Variants in ANK2 observed in about 807,000 individuals in gnomAD.
The protein encoded by ANK2 is ankyrin 2, also known as ankyrin-2.
A neutral mutation model predicts 360.5 loss-of-function variants in ANK2; 83 were observed. That is an observed-to-expected ratio of 0.23 (90% CI 0.19 to 0.28). The LOEUF is 0.28. Ranked by LOEUF, ANK2 falls within the 10% of genes least tolerant of loss-of-function variation. The probability of loss-of-function intolerance (pLI) is 1.00; values close to 1 mark genes in which losing one functional copy is unlikely to be tolerated. For missense variants in ANK2, 4,201 were observed against 4,795.7 expected (o/e 0.88, Z 3.66); for synonymous variants, 1,740 against 1,759.5 (o/e 0.99, Z 0.28).
chr4:112,844,992 G>C (rs1248589530), intron 1 of ANK2, among the ~76,000 whole-genome samples: 2 of 152,120 alleles, frequency 1.3e-5, no homozygotes, highest in Non-Finnish European at 2.9e-5. Flanking sequence ...ATATTTCAGA[G>C]AGAAATTTCT....
the ANK2 span, among the ~76,000 whole-genome samples, chr4:112,812,528 C>T: frequency 6.6e-6 from 1 of 152,178 alleles, no homozygotes; most frequent in Non-Finnish European, 1.5e-5. Context: ...TTCCATTCCT[C>T]AATGTTCCAG....
chr4:112,993,357 C>T (rs1308185202), intron 2 of ANK2, among the ~76,000 whole-genome samples: 2 of 152,150 alleles, frequency 1.3e-5, no homozygotes, highest in African/African-American at 4.8e-5. Context: ...GGCTGGAGTG[C>T]AGTGGCGCGA....
chr4:112,858,568 C>T (rs943337179), intron 1 of ANK2, among the ~76,000 whole-genome samples: 2 of 152,058 alleles, frequency 1.3e-5, no homozygotes, highest in Non-Finnish European at 2.9e-5. Flanking sequence ...TATCAAAGTC[C>T]TTTATTTTCC....
At chr4:112,919,872 G>A (rs1428659933) in intron 2 of ANK2, among the ~76,000 whole-genome samples, 1 of 152,008 alleles carries the variant, frequency 6.6e-6, no homozygotes, top group Non-Finnish European at 1.5e-5. Context: ...TAGTAAATCT[G>A]TCAGCCTAAC....
chr4:112,957,530 T>C (rs1249908304), intron 2 of ANK2, among the ~76,000 whole-genome samples: 3 of 151,982 alleles, frequency 2.0e-5, no homozygotes, highest in African/African-American at 4.8e-5. Flanking sequence ...AGCTGTTGGG[T>C]ACACCTCCCA....
chr4:112,840,524 T>C (rs921184), intron 1 of ANK2, among the ~76,000 whole-genome samples: 47,472 of 151,920 alleles, frequency 0.31, 7,663 homozygotes, highest in South Asian at 0.39. Context: ...GATGCGGGGA[T>C]AAGGGCCACA....
chr4:112,731,293 C>CAAA, the ANK2 span, among the ~76,000 whole-genome samples: 7 of 65,000 alleles, frequency 1.1e-4, no homozygotes, highest in African/African-American at 2.5e-4. Context: ...GATGTAGTCT[C>CAAA]AAAAAAAAAA....
chr4:113,163,665 G>A (rs1482161512), intron 1 of ANK2, among the ~76,000 whole-genome samples: 2 of 149,770 alleles, frequency 1.3e-5, no homozygotes, highest in Non-Finnish European at 3.0e-5. Flanking sequence ...TCCACAGGCT[G>A]AGGCAGGAGA....
chr4:113,372,063 C>T (rs1191948800), intron 43 of ANK2, among the ~76,000 whole-genome samples: 1 of 152,130 alleles, frequency 6.6e-6, no homozygotes, highest in Admixed American at 6.5e-5. Flanking sequence ...ATAATAGCTA[C>T]AGGAAACTTT....
intron 1 of ANK2, among the ~76,000 whole-genome samples, chr4:113,062,639 A>G (rs2074024960): frequency 6.6e-6 from 1 of 152,106 alleles, no homozygotes; most frequent in Non-Finnish European, 1.5e-5. Flanking sequence ...TACACTAAGA[A>G]TATATGGTTC....
intron 4 of ANK2, among the ~76,000 whole-genome samples, chr4:113,199,336 T>C: frequency 6.6e-6 from 1 of 152,178 alleles, no homozygotes; most frequent in East Asian, 1.9e-4. Context: ...AGTCTATCAT[T>C]GTCTCTAAGT....
At position 113,116,102 on chromosome 4, in the gene ANK2, A is replaced by G. The variant is rs190950478; in HGVS notation, c.85-58314A>G. 2.1e-4 allele frequency among the ~76,000 whole-genome samples: 32 copies of G among 152,312 alleles called. No individual in the cohort carries two copies. In the East Asian group the frequency reaches 3.5e-3, roughly 17 times the overall value. On this transcript the variant is annotated intron_variant, in intron 1 of 45. Coordinates refer to ENST00000357077, the MANE Select transcript of ANK2 (RefSeq NM_001148.6). ...GAGAACTTCATCTTCTTGAGTTAAC[A>G]GCTTGTATCCTCTTTCCTCTTTCAT...
the ANK2 span, among the ~76,000 whole-genome samples, chr4:112,765,890 AC>A: frequency 6.6e-6 from 1 of 152,160 alleles, no homozygotes; most frequent in Non-Finnish European, 1.5e-5. Flanking sequence ...ACCAGAGGCC[AC>A]ACTTGGAATC....
intron 2 of ANK2, among the ~76,000 whole-genome samples, chr4:112,910,280 T>C (rs934907371): frequency 2.0e-5 from 3 of 152,182 alleles, no homozygotes; most frequent in African/African-American, 7.2e-5. Flanking sequence ...AAAGAAAACA[T>C]TGTAAAATGC....
At chr4:113,122,760 A>C (rs1450351754) in intron 1 of ANK2, among the ~76,000 whole-genome samples, 2 of 152,018 alleles carry the variant, frequency 1.3e-5, no homozygotes, top group Non-Finnish European at 2.9e-5. Flanking sequence ...TTATTATTTA[A>C]AACCCATTAT....
At chr4:112,755,066 C>T in the ANK2 span, among the ~76,000 whole-genome samples, 1 of 152,118 alleles carries the variant, frequency 6.6e-6, no homozygotes, top group Non-Finnish European at 1.5e-5. Context: ...GATAGTGGAC[C>T]ACTGTATATG....
upstream of ANK2, among the ~76,000 whole-genome samples, chr4:112,814,909 T>TG (rs1225196108): frequency 1.3e-5 from 2 of 152,152 alleles, no homozygotes; most frequent in African/African-American, 2.4e-5. Context: ...GATCACTGTA[T>TG]GGGGGGTGTT....
At chr4:113,129,631 G>A (rs980559612) in intron 1 of ANK2, among the ~76,000 whole-genome samples, 1 of 152,132 alleles carries the variant, frequency 6.6e-6, no homozygotes, top group East Asian at 1.9e-4. Flanking sequence ...TACATTAAAT[G>A]ATATAACCAA....
chr4:113,336,840 T>G (rs2093607569), intron 31 of ANK2, 59 bp downstream of exon 31: 1 of 1,493,630 alleles, frequency 6.7e-7, no homozygotes, highest in African/African-American at 1.4e-5. Flanking sequence ...TAGATCGTTG[T>G]AAATATTAAA....
Sources: allele counts gnomAD v4.1 joint callset (sites outside exome capture counted in the v4.1 genomes callset), GRCh38; gene constraint gnomAD v4.1.1; transcripts MANE v1.5; gene names NCBI Gene and HGNC (gene_info 2026-07-23, HGNC 2026-07-21).